Variants in FBXW7 observed in about 807,000 individuals in gnomAD.
The protein encoded by FBXW7 is F-box/WD repeat-containing protein 7.
FBXW7 carries 11 observed loss-of-function variants against 86.3 expected under a neutral mutation model. The observed-to-expected ratio is 0.13, with a 90% confidence interval of 0.08 to 0.21. The LOEUF (loss-of-function observed/expected upper bound fraction) is 0.21. Ranked by LOEUF, FBXW7 falls within the 10% of genes least tolerant of loss-of-function variation. FBXW7 has a pLI of 1.00. For synonymous variants in FBXW7, 313 were observed against 297.9 expected, an observed-to-expected ratio of 1.05 and a Z score of -0.52; for missense variants, 488 against 847.4, an observed-to-expected ratio of 0.58 and a Z score of 5.27.
At chr4:152,411,041 T>G in intron 4 of FBXW7, 1 of 502,930 alleles carries the variant, frequency 2.0e-6, no homozygotes, top group South Asian at 6.7e-5. Context: ...ACGCAAGGTT[T>G]AGACGAAAAT....
chr4:152,397,192 C>G (rs74955366), intron 4 of FBXW7, among the ~76,000 whole-genome samples: 2 of 151,760 alleles, frequency 1.3e-5, no homozygotes, highest in East Asian at 3.9e-4. Flanking sequence ...CAGTAGTTAA[C>G]GAGAAATGTC....
At chr4:152,440,803 A>G (rs2126982451) in intron 2 of FBXW7, among the ~76,000 whole-genome samples, 1 of 152,220 alleles carries the variant, frequency 6.6e-6, no homozygotes, top group African/African-American at 2.4e-5. Flanking sequence ...ATCATGTCCT[A>G]TATGCTTTAT....
At position 152,395,759 on chromosome 4, in the gene FBXW7, C is replaced by T. The variant is rs368218342; in HGVS notation, c.501+15544G>A. ...GGTGATAAACATTTCTACAGAAGTG[C>T]CAAAGAACATCTTCCCTTGCATTTA... On this transcript the variant is annotated intron_variant, in intron 4 of 13. Coordinates refer to ENST00000281708, the MANE Select transcript of FBXW7 (RefSeq NM_001349798.2). 2.4e-4 allele frequency among the ~76,000 whole-genome samples: 37 copies of T among 152,068 alleles called. 1 individual carries two copies. The highest frequency in any genetic ancestry group is 1.9e-3 in the East Asian group (10 of 5,174).
chr4:152,495,985 T>C (rs2149691620), intron 2 of FBXW7, among the ~76,000 whole-genome samples: 1 of 152,306 alleles, frequency 6.6e-6, no homozygotes, highest in South Asian at 2.1e-4. Context: ...GAGAGCAGCC[T>C]GGGCAACATA....
At chr4:152,424,079 C>T (rs1050540810) in intron 2 of FBXW7, among the ~76,000 whole-genome samples, 8 of 151,956 alleles carry the variant, frequency 5.3e-5, no homozygotes, top group African/African-American at 1.7e-4. Flanking sequence ...ACTATGTTGC[C>T]CAGGCTTGAA....
intron 2 of FBXW7, among the ~76,000 whole-genome samples, chr4:152,530,074 C>T (rs1365265791): frequency 3.3e-4 from 41 of 125,964 alleles, no homozygotes; most frequent in African/African-American, 1.2e-3. Context: ...AAAAAATACA[C>T]ACACACACAC....
chr4:152,447,296 G>T (rs1741492036), intron 2 of FBXW7, among the ~76,000 whole-genome samples: 1 of 152,156 alleles, frequency 6.6e-6, no homozygotes, highest in South Asian at 2.1e-4. Flanking sequence ...ATCATGGCAA[G>T]AACAGAAACA....
chr4:152,484,788 C>T (rs981612527), intron 2 of FBXW7, among the ~76,000 whole-genome samples: 1 of 151,930 alleles, frequency 6.6e-6, no homozygotes, highest in East Asian at 1.9e-4. Context: ...ATGGCGAAAC[C>T]CTGTCTCTAC....
At chr4:152,468,337 G>A (rs764212726) in intron 2 of FBXW7, among the ~76,000 whole-genome samples, 9 of 151,914 alleles carry the variant, frequency 5.9e-5, no homozygotes, top group Non-Finnish European at 1.3e-4. Flanking sequence ...ACAGAAAAGC[G>A]CTCCTAATAG....
chr4:152,515,801 A>T (rs1009595031), intron 2 of FBXW7, among the ~76,000 whole-genome samples: 19 of 145,802 alleles, frequency 1.3e-4, no homozygotes, highest in Non-Finnish European at 2.7e-4. Context: ...AATGTGTTGT[A>T]TCATGTTTTA....
intron 4 of FBXW7, among the ~76,000 whole-genome samples, chr4:152,357,403 C>A (rs558867543): frequency 6.6e-6 from 1 of 151,958 alleles, no homozygotes; most frequent in Non-Finnish European, 1.5e-5. Flanking sequence ...TCATTGCAAC[C>A]TCCACTTCCT....
At chr4:152,480,894 A>G (rs1206608947) in intron 2 of FBXW7, among the ~76,000 whole-genome samples, 1 of 152,228 alleles carries the variant, frequency 6.6e-6, no homozygotes, top group Non-Finnish European at 1.5e-5. Flanking sequence ...AGCTGTCTCC[A>G]TAAAAGTACA....
intron 4 of FBXW7, among the ~76,000 whole-genome samples, chr4:152,408,964 T>C (rs1196117804): frequency 1.3e-5 from 2 of 152,158 alleles, no homozygotes; most frequent in Admixed American, 6.5e-5. Flanking sequence ...TTTTAACATA[T>C]ATTGCTTGCC....
intron 2 of FBXW7, among the ~76,000 whole-genome samples, chr4:152,481,143 C>A (rs1744839860): frequency 6.6e-6 from 1 of 152,208 alleles, no homozygotes; most frequent in South Asian, 2.1e-4. Flanking sequence ...CTACTGGTGA[C>A]TTCCAAGTGG....
intron 2 of FBXW7, among the ~76,000 whole-genome samples, chr4:152,480,278 T>C (rs560428664): frequency 2.0e-5 from 3 of 152,300 alleles, no homozygotes; most frequent in African/African-American, 7.2e-5. Context: ...ATCTTTGATG[T>C]TACTATTTTA....
intron 2 of FBXW7, among the ~76,000 whole-genome samples, chr4:152,518,192 C>A (rs935980064): frequency 6.6e-6 from 1 of 151,388 alleles, no homozygotes; most frequent in Non-Finnish European, 1.5e-5. Flanking sequence ...TTTCACCATG[C>A]CAGCCAGGCT....
At chr4:152,382,135 C>T (rs1735131952) in intron 4 of FBXW7, 1 of 1,333,840 alleles carries the variant, frequency 7.5e-7, no homozygotes, top group Non-Finnish European at 1.0e-6. Context: ...CTAAAAGAGG[C>T]CAAGGTACTT....
intron 4 of FBXW7, among the ~76,000 whole-genome samples, chr4:152,369,050 T>C (rs1733748915): frequency 6.6e-6 from 1 of 152,100 alleles, no homozygotes; most frequent in African/African-American, 2.4e-5. Flanking sequence ...ATTCAAAATT[T>C]ATGCTGTGCA....
chr4:152,535,641 G>T lies in FBXW7; in HGVS notation c.-727C>A, dbSNP rs1172712039. 1 of 396,662 alleles carries T rather than the reference G, an allele frequency of 2.5e-6. No homozygotes were observed. Among genetic ancestry groups the T allele is most frequent in the African/African-American group, 2.1e-5 (1 of 48,512 alleles). The allele number at this position is 396,662 out of a possible 1,614,324, so 24.6% of individuals were successfully genotyped here. A position where few individuals can be genotyped will look rare whatever the true frequency, so the allele number is the denominator to read the frequency against. ...GGCGCCGCCCCCGCTCCCGGCTCCC[G>T]CATGTGTCGCTGCGGCTGGGACCCC... On this transcript the variant is annotated 5_prime_UTR_variant, in exon 1 of 14. Coordinates refer to ENST00000281708, the MANE Select transcript of FBXW7 (RefSeq NM_001349798.2).
Sources: allele counts gnomAD v4.1 joint callset (sites outside exome capture counted in the v4.1 genomes callset), GRCh38; gene constraint gnomAD v4.1.1; transcripts MANE v1.5; gene names NCBI Gene and HGNC (gene_info 2026-07-23, HGNC 2026-07-21).